Variants in NDUFS4 observed in about 807,000 individuals in gnomAD.
The protein encoded by NDUFS4 is NADH:ubiquinone oxidoreductase subunit S4, also known as NADH dehydrogenase [ubiquinone] iron-sulfur protein 4, mitochondrial.
NDUFS4 carries 28 observed loss-of-function variants against 24.3 expected under a neutral mutation model. That is an observed-to-expected ratio of 1.15 (90% CI 0.85 to 1.58). The LOEUF is 1.58. Among genes scored for constraint, NDUFS4 ranks in the 40% most tolerant of loss-of-function variants. NDUFS4 has a pLI of 0.00. For missense variants in NDUFS4, 223 were observed against 207.9 expected, an observed-to-expected ratio of 1.07 and a Z score of -0.45; for synonymous variants, 93 against 69.7, an observed-to-expected ratio of 1.34 and a Z score of -1.67.
chr5:53,610,608 G>A (rs1483992529), intron 2 of NDUFS4, among the ~76,000 whole-genome samples: 3 of 152,046 alleles, frequency 2.0e-5, no homozygotes, highest in East Asian at 3.8e-4. Context: ...CATAAAATGA[G>A]GTATGCCTGT....
intron 2 of NDUFS4, among the ~76,000 whole-genome samples, chr5:53,628,621 C>T (rs187899403): frequency 6.6e-6 from 1 of 152,128 alleles, no homozygotes; most frequent in East Asian, 1.9e-4. Context: ...TTTATGTGTT[C>T]AGGAATTTAT....
intron 3 of NDUFS4, among the ~76,000 whole-genome samples, chr5:53,648,095 A>G (rs1751916543): frequency 6.6e-6 from 1 of 152,196 alleles, no homozygotes; most frequent in Admixed American, 6.5e-5. Context: ...ACACTTTGCT[A>G]AGAATATTCT....
At chr5:53,611,130 A>G (rs72751865) in intron 2 of NDUFS4, among the ~76,000 whole-genome samples, 25,005 of 151,738 alleles carry the variant, frequency 0.16, 2,291 homozygotes, top group Non-Finnish European at 0.21. Flanking sequence ...TCTATACAGT[A>G]TACAATAAAT....
chr5:53,678,257 A>G (rs1018813639), intron 4 of NDUFS4, among the ~76,000 whole-genome samples: 1 of 152,168 alleles, frequency 6.6e-6, no homozygotes, highest in African/African-American at 2.4e-5. Flanking sequence ...TTACTACAGC[A>G]TTTTCCAAAG....
At chr5:53,581,459 A>G (rs561321562) in intron 1 of NDUFS4, among the ~76,000 whole-genome samples, 2 of 152,154 alleles carry the variant, frequency 1.3e-5, no homozygotes, top group South Asian at 4.1e-4. Flanking sequence ...TACTTTCATC[A>G]GTCCCCTCCT....
chr5:53,677,816 G>C (rs1481601600), intron 4 of NDUFS4, among the ~76,000 whole-genome samples: 1 of 152,156 alleles, frequency 6.6e-6, no homozygotes, highest in Admixed American at 6.6e-5. Flanking sequence ...TTCTTGTTCT[G>C]TGTACAAATG....
rs149293552 is a variant in NDUFS4, at chr5:53,583,948, G to A, written c.99-19504G>A. On this transcript the variant is annotated intron_variant, in intron 1 of 4. Coordinates refer to ENST00000296684, the MANE Select transcript of NDUFS4 (RefSeq NM_002495.4). The stretch of plus-strand genomic sequence containing the variant: ...AAAGAATTCAAGTAATATGTTAAAT[G>A]TTTAATTCCCTTTTCAATCTTGGGA... Among the ~76,000 whole-genome samples the A allele has an allele frequency of 1.6e-3, 250 of 152,300 alleles. 1 individual carries two copies. Among genetic ancestry groups the A allele is most frequent in the African/African-American group, 5.5e-3 (229 of 41,562 alleles).
intron 4 of NDUFS4, among the ~76,000 whole-genome samples, chr5:53,678,601 A>T (rs976669537): frequency 6.6e-6 from 1 of 152,206 alleles, no homozygotes; most frequent in Non-Finnish European, 1.5e-5. Flanking sequence ...AGCATTCTTC[A>T]GAGAGTGCAA....
At chr5:53,600,787 G>A (rs1038684813) in intron 1 of NDUFS4, among the ~76,000 whole-genome samples, 3 of 151,968 alleles carry the variant, frequency 2.0e-5, no homozygotes, top group Non-Finnish European at 4.4e-5. Context: ...ACAAGCACAC[G>A]TTTTAATTTA....
At chr5:53,598,277 A>G (rs1313579983) in intron 1 of NDUFS4, among the ~76,000 whole-genome samples, 3 of 152,254 alleles carry the variant, frequency 2.0e-5, no homozygotes, top group Admixed American at 6.5e-5. Context: ...GGCAAATTTA[A>G]TGTCCACACA....
At chr5:53,639,173 A>C (rs1561379669) in intron 2 of NDUFS4, among the ~76,000 whole-genome samples, 1 of 151,788 alleles carries the variant, frequency 6.6e-6, no homozygotes, top group African/African-American at 2.4e-5. Context: ...TTTTTTGTAT[A>C]AAAGTTGTTT....
In NDUFS4 at chr5:53,683,208, T is replaced by G. The variant is rs1204331407; in HGVS notation, c.515T>G (p.Val172Gly). 6.2e-7 allele frequency: 1 copy of G among 1,608,064 alleles called. No homozygotes were observed. Among genetic ancestry groups the G allele is most frequent in the East Asian group, 2.2e-5 (1 of 44,768 alleles). Residue 172 changes from valine to glycine, a missense_variant, in exon 5 of 5, where the codon GTA becomes GGA. By Grantham distance (109) the Val-to-Gly change is moderately radical. Transcript: ENST00000296684. ...TTTTCTTGGAACAAAAGAACAAGAGTATCCACAAAATAGGTTGGCACTGAC... is the reference window on the plus strand; with the variant it reads ...TTTTCTTGGAACAAAAGAACAAGAGGATCCACAAAATAGGTTGGCACTGAC... ...ANFSWNKRTRVSTK is the reference protein window; with the variant it reads ...ANFSWNKRTRGSTK
At chr5:53,630,959 G>A (rs1215128236) in intron 2 of NDUFS4, among the ~76,000 whole-genome samples, 1 of 152,104 alleles carries the variant, frequency 6.6e-6, no homozygotes, top group Non-Finnish European at 1.5e-5. Context: ...AGGAGAAGAG[G>A]CATTCTGGTT....
chr5:53,653,056 G>T (rs1052635039), intron 3 of NDUFS4, among the ~76,000 whole-genome samples: 2 of 151,712 alleles, frequency 1.3e-5, no homozygotes, highest in African/African-American at 4.8e-5. Flanking sequence ...TTCCTCAGCT[G>T]TATTAATGTA....
chr5:53,634,607 CT>C (rs1751497646), intron 2 of NDUFS4, among the ~76,000 whole-genome samples: 1 of 151,950 alleles, frequency 6.6e-6, no homozygotes, highest in Admixed American at 6.6e-5. Context: ...TCCCTTCCCC[CT>C]CCTTCCTCTC....
At chr5:53,673,654 TAAAC>T (rs1006927694) in intron 4 of NDUFS4, among the ~76,000 whole-genome samples, 11 of 152,202 alleles carry the variant, frequency 7.2e-5, no homozygotes, top group African/African-American at 2.4e-4. Flanking sequence ...TTTCCTTTAA[TAAAC>T]AAAAACACAT....
intron 3 of NDUFS4, among the ~76,000 whole-genome samples, chr5:53,649,369 C>T (rs1751955211): frequency 6.6e-6 from 1 of 152,146 alleles, no homozygotes; most frequent in Admixed American, 6.5e-5. Context: ...TCCCTCTCCC[C>T]TCTATTGGAG....
chr5:53,667,769 C>T (rs1752562058), intron 4 of NDUFS4, among the ~76,000 whole-genome samples: 1 of 152,184 alleles, frequency 6.6e-6, no homozygotes, highest in Non-Finnish European at 1.5e-5. Flanking sequence ...TCTCATTCCA[C>T]AGTGGTCTAC....
At chr5:53,645,822 T>G (rs954814369) in intron 2 of NDUFS4, among the ~76,000 whole-genome samples, 1 of 152,202 alleles carries the variant, frequency 6.6e-6, no homozygotes, top group African/African-American at 2.4e-5. Context: ...TAAATAAACA[T>G]GCAAATAAGG....
Sources: gnomAD v4.1 joint callset for allele counts (sites outside exome capture counted in the v4.1 genomes callset) on GRCh38, gnomAD v4.1.1 for gene constraint, MANE v1.5 for transcripts, NCBI Gene and HGNC (gene_info 2026-07-23, HGNC 2026-07-21) for gene names.